ODAPH: variants seen among roughly 807,000 people sequenced by gnomAD.
ODAPH encodes odontogenesis associated phosphoprotein, also known as amelogenesis imperfecta type IIA4.
A neutral mutation model predicts 2.8 loss-of-function variants in ODAPH; 2 were observed. The ratio of observed to expected loss-of-function variants is 0.72; its 90% CI spans 0.30 to 2.28. The LOEUF (loss-of-function observed/expected upper bound fraction) is 2.28, where lower values mean the gene tolerates loss of function less well. Ranked by LOEUF, ODAPH falls within the 30% of genes most tolerant of loss-of-function variation. ODAPH has a pLI of 0.13. For synonymous variants in ODAPH, 75 were observed against 60.3 expected (o/e 1.24, Z -1.13); for missense variants, 159 against 163.3 (o/e 0.97, Z 0.14).
chr4:75,565,332 T>G (rs1279661739), downstream of ODAPH: 1 of 152,154 alleles, frequency 6.6e-6, no homozygotes, highest in Non-Finnish European at 1.5e-5. Flanking sequence ...GTATCTAAAT[T>G]TACTTTAATG....
chr4:75,564,760 C>A lies in ODAPH; in HGVS notation c.*321C>A. The A allele has an allele frequency of 1.9e-6, 1 of 526,230 alleles. No individual in the cohort carries two copies. The highest frequency in any genetic ancestry group is 2.2e-5 in the South Asian group (1 of 45,630). 32.6% of individuals were successfully genotyped at this position (526,230 alleles called of 1,614,324 possible). On this transcript the variant is annotated 3_prime_UTR_variant, in exon 2 of 2. Coordinates refer to ENST00000311623, the MANE Select transcript of ODAPH (RefSeq NM_178497.5). The stretch of plus-strand genomic sequence containing the variant: ...ATCCATACTAAGATGCTGAGAGAAT[C>A]CATCTCCTCCTCTAAATTAAACAGG...
At chr4:75,562,142 A>C (rs13126597) in intron 1 of ODAPH, among the ~76,000 whole-genome samples, 1 of 151,972 alleles carries the variant, frequency 6.6e-6, no homozygotes, top group African/African-American at 2.4e-5. Flanking sequence ...AGCCATAGCC[A>C]GAAGGTGCGT....
At chr4:75,563,572 A>T (rs1051900634) in intron 1 of ODAPH, among the ~76,000 whole-genome samples, 3 of 152,198 alleles carry the variant, frequency 2.0e-5, no homozygotes, top group African/African-American at 7.2e-5. Flanking sequence ...CTGCTAAAAA[A>T]TACCTATCCT....
At chr4:75,562,809 T>C (rs1270988304) in intron 1 of ODAPH, among the ~76,000 whole-genome samples, 1 of 152,174 alleles carries the variant, frequency 6.6e-6, no homozygotes, top group Admixed American at 6.5e-5. Flanking sequence ...AGTAATTGTA[T>C]CCTGGTTCTC....
intron 1 of ODAPH, among the ~76,000 whole-genome samples, chr4:75,556,952 T>C (rs1219298652): frequency 6.6e-6 from 1 of 152,150 alleles, no homozygotes. Flanking sequence ...TTCACATGTC[T>C]TGGGTAGGGG....
rs758475707 is a variant in ODAPH at position 75,564,282 on chromosome 4, C to G, written c.236C>G (p.Pro79Arg). The part of the protein sequence containing the change: ...RCPFHFFPRR[P>R]RIHFRFPNRP... ...CCCTTCCATTTTTTTCCACGAAGGC[C>G]CAGAATCCATTTTAGGTTTCCAAAC... is the stretch of plus-strand genomic sequence containing the variant. The change falls in exon 2 of 2, where the codon CCC becomes CGC. Residue 79 changes from proline to arginine, a missense_variant. Pro to Arg is a moderately radical substitution (Grantham distance 103). Coordinates refer to ENST00000311623, the MANE Select transcript of ODAPH (RefSeq NM_178497.5). The G allele has an allele frequency of 9.3e-6, 15 of 1,614,058 alleles. No individual in the cohort carries two copies. The Admixed American group carries it at 1.2e-4, about 13-fold the overall frequency.
At chr4:75,556,625 T>C (rs1365130656) in intron 1 of ODAPH, 1 of 1,463,474 alleles carries the variant, frequency 6.8e-7, no homozygotes, top group Admixed American at 2.0e-5. Context: ...ATTAATCACA[T>C]CTATTGAGCT....
At chr4:75,558,681 T>C (rs1727443811) in intron 1 of ODAPH, among the ~76,000 whole-genome samples, 1 of 152,126 alleles carries the variant, frequency 6.6e-6, no homozygotes, top group East Asian at 1.9e-4. Flanking sequence ...TATACTCTAA[T>C]TTTTTTGTTT....
At chr4:75,557,734 T>C (rs1202813587) in intron 1 of ODAPH, among the ~76,000 whole-genome samples, 1 of 152,208 alleles carries the variant, frequency 6.6e-6, no homozygotes, top group African/African-American at 2.4e-5. Context: ...TGTAGCTTCA[T>C]TCTATCCCAG....
chr4:75,564,383 T>C lies in ODAPH; in HGVS notation c.337T>C (p.Tyr113His), dbSNP rs1368398433. ...PFYWPHRYLT[Y>H]RYFPRRRLQR... ...TTATTGGCCACACCGTTACCTTACT[T>C]ATAGGTATTTCCCCAGAAGAAGACT... Residue 113 changes from tyrosine to histidine, a missense_variant, in exon 2 of 2, where the codon TAT becomes CAT. Physicochemically the swap from Tyr to His is moderately conservative, Grantham distance 83 (BLOSUM62 2). Coordinates refer to ENST00000311623, the MANE Select transcript of ODAPH (RefSeq NM_178497.5). The C allele has an allele frequency of 3.7e-6, 6 of 1,614,012 alleles. No individual in the cohort carries two copies. Among genetic ancestry groups the C allele is most frequent in the Non-Finnish European group, 5.1e-6 (6 of 1,180,038 alleles).
intron 1 of ODAPH, among the ~76,000 whole-genome samples, chr4:75,559,792 T>C (rs1727486927): frequency 6.6e-6 from 1 of 152,196 alleles, no homozygotes; most frequent in African/African-American, 2.4e-5. Flanking sequence ...ATCAATTCAA[T>C]TGTACTGGAG....
At chr4:75,564,818 C>T (rs147864357), downstream of ODAPH, 15 of 386,472 alleles carry the variant, frequency 3.9e-5, no homozygotes, top group African/African-American at 1.0e-4. Context: ...ATAAACCACA[C>T]GAAGAAACTG....
intron 1 of ODAPH, among the ~76,000 whole-genome samples, chr4:75,561,444 G>A (rs909506794): frequency 1.3e-5 from 2 of 152,108 alleles, no homozygotes; most frequent in African/African-American, 4.8e-5. Flanking sequence ...TTTTGTTCAA[G>A]GAACAGACAC....
intron 1 of ODAPH, among the ~76,000 whole-genome samples, chr4:75,561,223 C>CAAAAAACAAAAAAAAAAAAAAAAAAA (rs760206306): frequency 1.6e-5 from 1 of 62,700 alleles, no homozygotes; most frequent in African/African-American, 6.1e-5. Context: ...AACTCAATCT[C>CAAAAAACAAAAAAAAAAAAAAAAAAA]AAAAAAAAAA....
intron 1 of ODAPH, 95 bp downstream of exon 1, chr4:75,556,244 T>A: frequency 8.1e-7 from 1 of 1,238,452 alleles, no homozygotes; most frequent in Non-Finnish European, 1.2e-6. Context: ...TCCCATAAAT[T>A]GGAAATATTT....
chr4:75,560,777 G>A (rs1370502699), intron 1 of ODAPH, among the ~76,000 whole-genome samples: 1 of 151,854 alleles, frequency 6.6e-6, no homozygotes, highest in Non-Finnish European at 1.5e-5. Flanking sequence ...GATTTAGAGA[G>A]TAGCTTCAGG....
intron 1 of ODAPH, among the ~76,000 whole-genome samples, chr4:75,560,558 C>T (rs1727519672): frequency 6.6e-6 from 1 of 152,154 alleles, no homozygotes; most frequent in East Asian, 1.9e-4. Context: ...ACTAGCGACC[C>T]GATAGGATCA....
rs550242268 is a variant in ODAPH, at chr4:75,559,692, C to T, written c.67+3543C>T. ...TGATAGCATGTCAGTATGTTACATA[C>T]GGGGAAATATTTGCTTATTATTCAA... On this transcript the variant is annotated intron_variant, in intron 1 of 1. Coordinates refer to ENST00000311623, the MANE Select transcript of ODAPH (RefSeq NM_178497.5). Among the ~76,000 whole-genome samples the T allele has an allele frequency of 3.2e-4, 49 of 152,284 alleles. No homozygotes were observed. In the South Asian group the frequency reaches 8.7e-3, roughly 27 times the overall value.
chr4:75,562,068 G>C (rs1029995908), intron 1 of ODAPH, among the ~76,000 whole-genome samples: 1 of 152,164 alleles, frequency 6.6e-6, no homozygotes, highest in African/African-American at 2.4e-5. Context: ...CAATTCTTAA[G>C]TGAGAATCTG....
Sources: allele counts gnomAD v4.1 joint callset (sites outside exome capture counted in the v4.1 genomes callset), GRCh38; gene constraint gnomAD v4.1.1; transcripts MANE v1.5; gene names NCBI Gene and HGNC (gene_info 2026-07-23, HGNC 2026-07-21).